LRP1B: variants seen among roughly 807,000 people sequenced by gnomAD.
LRP1B encodes LDL receptor related protein 1B.
Under a neutral mutation model 556.6 loss-of-function variants are expected in LRP1B, and 217 were observed. That is an observed-to-expected ratio of 0.39 (90% CI 0.35 to 0.44). The LOEUF (loss-of-function observed/expected upper bound fraction) is 0.44. Ranked by LOEUF, LRP1B falls within the 20% of genes least tolerant of loss-of-function variation. LRP1B has a pLI of 1.00. For missense variants in LRP1B, 5,053 were observed against 5,620.8 expected (o/e 0.90, Z 3.23); for synonymous variants, 2,047 against 1,865.8 (o/e 1.10, Z -2.50).
chr2:140,748,398 ATATAT>A (rs368147468), intron 35 of LRP1B, among the ~76,000 whole-genome samples: 31,149 of 107,876 alleles, frequency 0.29, 4,951 homozygotes, highest in South Asian at 0.4. Flanking sequence ...TATTATATTC[ATATAT>A]TATATTCATA....
intron 3 of LRP1B, among the ~76,000 whole-genome samples, chr2:141,330,876 C>T (rs1687614092): frequency 6.6e-6 from 1 of 151,762 alleles, no homozygotes; most frequent in Admixed American, 6.6e-5. Context: ...CCTCAGTCTC[C>T]CAAGTAGCTG....
intron 3 of LRP1B, among the ~76,000 whole-genome samples, chr2:141,388,872 A>G (rs1327942006): frequency 1.3e-5 from 2 of 152,214 alleles, no homozygotes; most frequent in Admixed American, 6.5e-5. Context: ...AATAAACAAA[A>G]ATAATTGAAA....
At chr2:142,057,937 C>A (rs1260767457) in intron 1 of LRP1B, among the ~76,000 whole-genome samples, 1 of 152,112 alleles carries the variant, frequency 6.6e-6, no homozygotes, top group African/African-American at 2.4e-5. Flanking sequence ...CTCTTGAACC[C>A]TTTCTACAGG....
chr2:140,932,902 C>CACACACACACACAA (rs1695093323), intron 20 of LRP1B, among the ~76,000 whole-genome samples: 1 of 149,666 alleles, frequency 6.7e-6, no homozygotes, highest in Admixed American at 6.7e-5. Context: ...CACACACACA[C>CACACACACACACAA]ACACACACAC....
At chr2:140,389,316 C>G (rs1683907229) in intron 66 of LRP1B, among the ~76,000 whole-genome samples, 1 of 151,844 alleles carries the variant, frequency 6.6e-6, no homozygotes, top group South Asian at 2.1e-4. Flanking sequence ...AAAAATCTAG[C>G]ACTAGGGATG....
At chr2:141,467,523 A>C (rs1682278920) in intron 3 of LRP1B, among the ~76,000 whole-genome samples, 1 of 152,118 alleles carries the variant, frequency 6.6e-6, no homozygotes, top group Admixed American at 6.5e-5. Context: ...GTAGATGGCA[A>C]TCTGTCTAGG....
chr2:141,428,559 T>C (rs1680455671), intron 3 of LRP1B, among the ~76,000 whole-genome samples: 1 of 152,218 alleles, frequency 6.6e-6, no homozygotes, highest in Non-Finnish European at 1.5e-5. Context: ...TAATGTCATC[T>C]GCTTCCATCT....
At chr2:140,789,706 C>A (rs1183519125) in intron 32 of LRP1B, among the ~76,000 whole-genome samples, 1 of 137,520 alleles carries the variant, frequency 7.3e-6, no homozygotes, top group Admixed American at 7.6e-5. Context: ...TCTCGGCTCA[C>A]TGCAAGCTCC....
intron 3 of LRP1B, among the ~76,000 whole-genome samples, chr2:141,259,828 T>C (rs1684619322): frequency 6.6e-6 from 1 of 152,182 alleles, no homozygotes; most frequent in Non-Finnish European, 1.5e-5. Context: ...TTGGGAGTCT[T>C]AAATGAGGTA....
At chr2:141,460,900 G>T (rs1573969549) in intron 3 of LRP1B, among the ~76,000 whole-genome samples, 1 of 152,050 alleles carries the variant, frequency 6.6e-6, no homozygotes, top group Admixed American at 6.6e-5. Flanking sequence ...GTTCTCAGGG[G>T]TGGGGAAGAT....
chr2:142,006,146 T>C (rs1045743616), intron 1 of LRP1B, among the ~76,000 whole-genome samples: 4 of 152,146 alleles, frequency 2.6e-5, no homozygotes, highest in African/African-American at 9.6e-5. Flanking sequence ...TGATTTCTAT[T>C]GCTAGAAAAA....
At chr2:141,640,039 T>C (rs1191703324) in intron 2 of LRP1B, among the ~76,000 whole-genome samples, 1 of 152,186 alleles carries the variant, frequency 6.6e-6, no homozygotes, top group African/African-American at 2.4e-5. Context: ...CCCAACTGAA[T>C]TGTAAGCTAA....
chr2:141,259,570 C>T (rs774624074), intron 3 of LRP1B, among the ~76,000 whole-genome samples: 1 of 152,174 alleles, frequency 6.6e-6, no homozygotes, highest in Non-Finnish European at 1.5e-5. Flanking sequence ...CAGCAGACTT[C>T]TCACCCTTTG....
chr2:142,016,792 G>A (rs939915222), intron 1 of LRP1B, among the ~76,000 whole-genome samples: 7 of 149,424 alleles, frequency 4.7e-5, no homozygotes, highest in African/African-American at 1.2e-4. Context: ...AAACCTGCAC[G>A]TTCTGCACAT....
At chr2:141,403,224 AG>A (rs1257393260) in intron 3 of LRP1B, among the ~76,000 whole-genome samples, 2 of 152,102 alleles carry the variant, frequency 1.3e-5, no homozygotes, top group East Asian at 3.9e-4. Context: ...TGAGCCTAAG[AG>A]TGTTTATTTC....
chr2:141,054,124 A>G (rs1191169299), intron 10 of LRP1B, among the ~76,000 whole-genome samples: 1 of 152,026 alleles, frequency 6.6e-6, no homozygotes, highest in Non-Finnish European at 1.5e-5. Flanking sequence ...TATATATTCT[A>G]TTAGTAGCTC....
At chr2:140,279,466 C>A (rs1292843857) in intron 84 of LRP1B, among the ~76,000 whole-genome samples, 2 of 151,920 alleles carry the variant, frequency 1.3e-5, no homozygotes, top group African/African-American at 4.8e-5. Flanking sequence ...CTCTCACTCC[C>A]TTCACATCTA....
At chr2:141,131,144 A>AAAT (rs1701339149) in intron 7 of LRP1B, among the ~76,000 whole-genome samples, 5 of 152,020 alleles carry the variant, frequency 3.3e-5, no homozygotes, top group African/African-American at 1.2e-4. Context: ...AAATACAATT[A>AAAT]AATAATAATA....
intron 80 of LRP1B, 115 bp downstream of exon 80, chr2:140,325,647 G>C (rs1408663885): frequency 5.9e-6 from 4 of 677,810 alleles, no homozygotes; most frequent in Non-Finnish European, 9.4e-6. Context: ...GTTGAAAGGA[G>C]AAAGAATTTA....
Sources: gnomAD v4.1 joint callset for allele counts (sites outside exome capture counted in the v4.1 genomes callset) on GRCh38, gnomAD v4.1.1 for gene constraint, MANE v1.5 for transcripts, NCBI Gene and HGNC (gene_info 2026-07-23, HGNC 2026-07-21) for gene names.